The following UNC13C variants were observed in gnomAD, a reference collection of about 807,000 sequenced individuals.
The protein encoded by UNC13C is unc-13 homolog C.
A neutral mutation model predicts 245.4 loss-of-function variants in UNC13C; 174 were observed. The ratio of observed to expected loss-of-function variants is 0.71; its 90% confidence interval spans 0.63 to 0.80. The LOEUF (loss-of-function observed/expected upper bound fraction) is 0.80. Ranked by LOEUF, UNC13C falls within the 30% of genes least tolerant of loss-of-function variation. The probability of loss-of-function intolerance (pLI) is 0.00; values close to 1 mark genes in which losing one functional copy is unlikely to be tolerated. For synonymous variants in UNC13C, 992 were observed against 895.1 expected, an observed-to-expected ratio of 1.11 and a Z score of -1.93; for missense variants, 2,829 against 2,602.9, an observed-to-expected ratio of 1.09 and a Z score of -1.89.
At chr15:54,431,062 A>G (rs2040862151) in intron 19 of UNC13C, among the ~76,000 whole-genome samples, 1 of 151,800 alleles carries the variant, frequency 6.6e-6, no homozygotes, top group African/African-American at 2.4e-5. Flanking sequence ...GTAATTTGTT[A>G]AGTCACTACT....
At chr15:54,287,881 T>C (rs181696990) in intron 10 of UNC13C, among the ~76,000 whole-genome samples, 53 of 152,308 alleles carry the variant, frequency 3.5e-4, no homozygotes, top group African/African-American at 1.2e-3. Flanking sequence ...TTACTTTAAA[T>C]GAAGTGAATT....
At chr15:54,380,586 T>C (rs534401246) in intron 17 of UNC13C, among the ~76,000 whole-genome samples, 5 of 152,266 alleles carry the variant, frequency 3.3e-5, no homozygotes, top group African/African-American at 1.2e-4. Context: ...CCATCAAAAG[T>C]GTGCGAGAGT....
intron 4 of UNC13C, among the ~76,000 whole-genome samples, chr15:54,219,782 A>G (rs2035164470): frequency 6.6e-6 from 1 of 151,322 alleles, no homozygotes; most frequent in African/African-American, 2.4e-5. Flanking sequence ...AAAAGTGGGC[A>G]AAGGATATGA....
the UNC13C span, among the ~76,000 whole-genome samples, chr15:53,909,456 G>A: frequency 2.0e-5 from 3 of 146,864 alleles, 1 homozygote; most frequent in Non-Finnish European, 4.6e-5. Context: ...AGAAGGTAAT[G>A]TGAAAATGAA....
the UNC13C span, among the ~76,000 whole-genome samples, chr15:53,921,308 T>C: frequency 1.1e-3 from 161 of 152,230 alleles, 2 homozygotes; most frequent in Non-Finnish European, 3.1e-4. Flanking sequence ...AGTTGCTTTG[T>C]GGGCTATTTA....
chr15:54,299,433 C>T (rs2037518922), intron 12 of UNC13C, among the ~76,000 whole-genome samples: 1 of 152,112 alleles, frequency 6.6e-6, no homozygotes, highest in Non-Finnish European at 1.5e-5. Flanking sequence ...TAAATTTTGC[C>T]TTAACATAGT....
intron 7 of UNC13C, among the ~76,000 whole-genome samples, chr15:54,242,605 C>T (rs1008432363): frequency 4.6e-5 from 7 of 152,028 alleles, no homozygotes; most frequent in African/African-American, 1.4e-4. Flanking sequence ...TATTTATGCT[C>T]TTGTCATTTT....
chr15:54,199,358 T>A (rs2034451406), intron 4 of UNC13C, among the ~76,000 whole-genome samples: 1 of 152,014 alleles, frequency 6.6e-6, no homozygotes, highest in African/African-American at 2.4e-5. Context: ...GGAAATTCAT[T>A]GTAAAATGAT....
intron 30 of UNC13C, among the ~76,000 whole-genome samples, chr15:54,620,241 T>C (rs2681963): frequency 0.86 from 130,601 of 152,112 alleles, 56,096 homozygotes; most frequent in South Asian, 0.91. Context: ...GACGTCAATA[T>C]AACCCTCAAT....
intron 18 of UNC13C, among the ~76,000 whole-genome samples, chr15:54,404,125 T>C (rs1239007088): frequency 6.6e-6 from 1 of 152,198 alleles, no homozygotes; most frequent in Non-Finnish European, 1.5e-5. Context: ...CACAACAAAC[T>C]GTCTCTTAAG....
intron 1 of UNC13C, among the ~76,000 whole-genome samples, chr15:53,987,906 G>A (rs1043376299): frequency 3.3e-5 from 5 of 151,962 alleles, no homozygotes; most frequent in African/African-American, 1.2e-4. Flanking sequence ...TGGCATCTAG[G>A]GAGTTTCTTC....
At chr15:54,186,484 A>G (rs2033987973) in intron 4 of UNC13C, among the ~76,000 whole-genome samples, 1 of 152,182 alleles carries the variant, frequency 6.6e-6, no homozygotes, top group South Asian at 2.1e-4. Context: ...GGTATATCAA[A>G]ATAAAATATT....
At chr15:54,610,759 G>A (rs1004888286) in intron 30 of UNC13C, among the ~76,000 whole-genome samples, 1 of 152,124 alleles carries the variant, frequency 6.6e-6, no homozygotes, top group Admixed American at 6.5e-5. Flanking sequence ...AGGTCATCTA[G>A]CTGATACTTA....
chr15:53,903,392 A>T, the UNC13C span, among the ~76,000 whole-genome samples: 2 of 152,238 alleles, frequency 1.3e-5, no homozygotes, highest in African/African-American at 4.8e-5. Flanking sequence ...TCAGGGTTTA[A>T]TCTCTCAAGA....
chr15:54,445,809 T>G (rs1394911119), intron 19 of UNC13C, among the ~76,000 whole-genome samples: 1 of 152,250 alleles, frequency 6.6e-6, no homozygotes, highest in Non-Finnish European at 1.5e-5. Context: ...GGATCCCATT[T>G]GTCAAGTTTG....
chr15:54,386,098 G>T lies in UNC13C; in HGVS notation c.4714-6950G>T, dbSNP rs73417766. Among the ~76,000 whole-genome samples, 1,194 of 152,306 alleles carry T rather than the reference G, an allele frequency of 7.8e-3. 11 individuals are homozygous for T. Among genetic ancestry groups the T allele is most frequent in the African/African-American group, 0.027 (1,141 of 41,562 alleles). On this transcript the variant is annotated intron_variant, in intron 17 of 32. Coordinates refer to ENST00000260323, the MANE Select transcript of UNC13C (RefSeq NM_001080534.3). ...TAGCTCCATATTATTAATGTGAGGT[G>T]ATGGTTGCCGTCTGTATATATAAAC...
rs775241747 is a variant in UNC13C, at chr15:54,525,502, T to C, written c.5458-47T>C. 7 of 1,449,950 alleles carry C rather than the reference T, an allele frequency of 4.8e-6. No individual in the cohort carries two copies. The East Asian group carries it at 1.2e-4, about 24-fold the overall frequency. The allele number at this position is 1,449,950 out of a possible 1,614,324, so 89.8% of individuals were successfully genotyped here. On this transcript the variant is annotated intron_variant, in intron 24 of 32. Transcript: ENST00000260323. ...AATGCTTGTAAGCAAAACAGAGGCA[T>C]GCTTTCTCAAAACTCCAAAGTAATA... is the stretch of plus-strand genomic sequence containing the variant.
chr15:53,895,345 C>CA, the UNC13C span, among the ~76,000 whole-genome samples: 5,172 of 33,636 alleles, frequency 0.15, 459 homozygotes, highest in African/African-American at 0.2. Flanking sequence ...GATTTCATCT[C>CA]AAAAAAAAAA....
At chr15:54,004,566 GT>G (rs1411486617) in intron 1 of UNC13C, among the ~76,000 whole-genome samples, 5 of 152,094 alleles carry the variant, frequency 3.3e-5, no homozygotes, top group Non-Finnish European at 7.4e-5. Flanking sequence ...TCTATTTTTA[GT>G]TTTTTGAGGA....
Sources: gnomAD v4.1 joint callset for allele counts (sites outside exome capture counted in the v4.1 genomes callset) on GRCh38, gnomAD v4.1.1 for gene constraint, MANE v1.5 for transcripts, NCBI Gene and HGNC (gene_info 2026-07-23, HGNC 2026-07-21) for gene names.